Variants in ABHD16A observed in about 807,000 individuals in gnomAD.
ABHD16A encodes phosphatidylserine lipase ABHD16A.
Under a neutral mutation model 89.8 loss-of-function variants are expected in ABHD16A, and 47 were observed. The ratio of observed to expected loss-of-function variants is 0.52; its 90% CI spans 0.41 to 0.67. The LOEUF is 0.67. Ranked by LOEUF, ABHD16A falls within the 30% of genes least tolerant of loss-of-function variation. The probability of loss-of-function intolerance (pLI) is 0.00; values close to 1 mark genes in which losing one functional copy is unlikely to be tolerated. For missense variants in ABHD16A, 580 were observed against 734.6 expected, an observed-to-expected ratio of 0.79 and a Z score of 2.43; for synonymous variants, 251 against 280.4, an observed-to-expected ratio of 0.90 and a Z score of 1.05.
chr6:31,698,918 T>A lies in ABHD16A; in HGVS notation c.344-1885A>T, dbSNP rs182724264. 1.9e-4 allele frequency among the ~76,000 whole-genome samples: 29 copies of A among 152,292 alleles called. No individual in the cohort carries two copies. In the East Asian group the frequency reaches 5.6e-3, roughly 29 times the overall value. Reference sequence around the variant, plus strand: ...TTATGTACCCACTAGGGGTAGGTGATCTGTCCTCTTTATTTTTTTAAATTG... The same window carrying A: ...TTATGTACCCACTAGGGGTAGGTGAACTGTCCTCTTTATTTTTTTAAATTG... On this transcript the variant is annotated intron_variant, in intron 4 of 19. Transcript: ENST00000395952. The surrounding 1 kb of genome is among the most constrained non-coding windows in gnomAD (Gnocchi z 4.1).
chr6:31,693,504 C>A lies in ABHD16A; in HGVS notation c.430-72G>T, dbSNP rs894296940. ...GCTCTCCTACCCACCCTCAACAACA[C>A]CTTCGTTATCCAGGGGTCTGATCCC... On this transcript the variant is annotated intron_variant, in intron 5 of 19. Transcript: ENST00000395952. This position sits in a 1 kb window ranked among gnomAD's most constrained non-coding sequence, Gnocchi z 5.0. The A allele has an allele frequency of 2.1e-6, 3 of 1,424,664 alleles. No homozygotes were observed. Among genetic ancestry groups the A allele is most frequent in the Non-Finnish European group, 2.9e-6 (3 of 1,019,446 alleles). 88.3% of individuals were successfully genotyped at this position (1,424,664 alleles called of 1,614,324 possible).
Position 31,688,298 on chromosome 6 carries a change from C to G in ABHD16A, c.1258G>C (p.Gly420Arg). ...GTTCTCCGGATCAGCAGTACAGGAC[C>G]CTGGTATCTTCAGAGAACAGAGCAG... ...NNAEQLCRYQ[G>R]PVLLIRRTKD... Residue 420 changes from glycine (G) to arginine (R), a missense_variant, in exon 15 of 20, where the codon GGT becomes CGT. By Grantham distance (125) the Gly-to-Arg change is moderately radical. This residue lies in a region of ABHD16A where 415 missense variants were observed against 568.8 expected (regional missense o/e 0.73). Transcript: ENST00000395952. This position sits in a 1 kb window ranked among gnomAD's most constrained non-coding sequence, Gnocchi z 4.9. 1 of 1,614,014 alleles carries G rather than the reference C, an allele frequency of 6.2e-7. No individual in the cohort carries two copies. Among genetic ancestry groups the G allele is most frequent in the African/African-American group, 1.3e-5 (1 of 75,002 alleles).
chr6:31,700,055 C>A (rs1804795459), intron 4 of ABHD16A, among the ~76,000 whole-genome samples: 1 of 151,414 alleles, frequency 6.6e-6, no homozygotes, highest in African/African-American at 2.4e-5. Context: ...GCTTCATCTG[C>A]GTTGTTGAGC....
Position 31,698,341 on chromosome 6 carries a change from C to G in ABHD16A, c.344-1308G>C, listed in dbSNP as rs1222213899. ...AAGGATTCCAATGGGAACTCCAACC[C>G]TAACTGTGGTGCTTTAGTATTTTGT... On this transcript the variant is annotated intron_variant, in intron 4 of 19. Transcript: ENST00000395952. The surrounding 1 kb of genome is among the most constrained non-coding windows in gnomAD (Gnocchi z 4.1). Among the ~76,000 whole-genome samples the G allele has an allele frequency of 1.3e-5, 2 of 151,506 alleles. No individual in the cohort carries two copies. Among genetic ancestry groups the G allele is most frequent in the Non-Finnish European group, 2.9e-5 (2 of 67,922 alleles).
chr6:31,691,975 G>C (rs1350719001), intron 7 of ABHD16A, 57 bp from the exon 8 acceptor site: 7 of 1,392,024 alleles, frequency 5.0e-6, no homozygotes, highest in African/African-American at 1.4e-5. Flanking sequence ...GGACTGTGCT[G>C]GGGACCATCC....
At position 31,688,593 on chromosome 6, in the gene ABHD16A, C is replaced by T. The variant is rs892080837; in HGVS notation, c.1250+130G>A. ...GGGGTTAGGCCAGTTGAGGTGGTGGCAGGGTCACTCAGGATGTGAGCCAGT... is the reference window on the plus strand; with the variant it reads ...GGGGTTAGGCCAGTTGAGGTGGTGGTAGGGTCACTCAGGATGTGAGCCAGT... On this transcript the variant is annotated intron_variant, in intron 14 of 19. Transcript: ENST00000395952. The surrounding 1 kb of genome is among the most constrained non-coding windows in gnomAD (Gnocchi z 4.9). 2 of 1,102,754 alleles carry T rather than the reference C, an allele frequency of 1.8e-6. No individual in the cohort carries two copies. Among genetic ancestry groups the T allele is most frequent in the African/African-American group, 1.6e-5 (1 of 64,116 alleles). 68.3% of individuals were successfully genotyped at this position (1,102,754 alleles called of 1,614,324 possible).
chr6:31,687,727 G>A lies in ABHD16A; in HGVS notation c.1461C>T (p.Ser487=). 6.2e-7 allele frequency: 1 copy of A among 1,612,804 alleles called. No homozygotes were observed. The highest frequency in any genetic ancestry group is 8.5e-7 in the Non-Finnish European group (1 of 1,179,904). ...ACCAGTCCTCTTCCACCTCCCATCG[G>A]CTATAAATTGAGGCTGGTCAGGGAG... ...SSQLEEASIY[S]RWEVEEDWCL... is the part of the protein sequence containing the mutation. Residue 487 remains serine (S), a synonymous_variant, in exon 18 of 20, where the codon AGC becomes AGT. Transcript: ENST00000395952. The surrounding 1 kb of genome is among the most constrained non-coding windows in gnomAD (Gnocchi z 6.3).
rs370117782 is a variant in ABHD16A at position 31,688,234 on chromosome 6, T to C, written c.1307+15A>G. The C allele has an allele frequency of 1.8e-5, 29 of 1,612,480 alleles. No individual in the cohort carries two copies. The highest frequency in any genetic ancestry group is 2.4e-5 in the Non-Finnish European group (28 of 1,178,808). On this transcript the variant is annotated intron_variant, in intron 15 of 19. Coordinates refer to ENST00000395952, the MANE Select transcript of ABHD16A (RefSeq NM_021160.3). The surrounding 1 kb of genome is among the most constrained non-coding windows in gnomAD (Gnocchi z 4.9). Reference sequence around the variant, plus strand: ...TCTCTGGGGTTCCTGAGGGCCGAGATTCCCACGCACTCACGTGGTGGTGAT... The same window carrying C: ...TCTCTGGGGTTCCTGAGGGCCGAGACTCCCACGCACTCACGTGGTGGTGAT...
At position 31,693,223 on chromosome 6, in the gene ABHD16A, TG is replaced by T; in HGVS notation, c.504-75del. 6.3e-7 allele frequency: 1 copy of T among 1,589,826 alleles called. No homozygotes were observed. The highest frequency in any genetic ancestry group is 1.1e-5 in the South Asian group (1 of 88,694). On this transcript the variant is annotated intron_variant, in intron 6 of 19. Coordinates refer to ENST00000395952, the MANE Select transcript of ABHD16A (RefSeq NM_021160.3). The surrounding 1 kb of genome is among the most constrained non-coding windows in gnomAD (Gnocchi z 5.0). ...TGGATGTCTGAGGTCTGGAGAACAG[TG>T]GGGTCTAGGAACGACATAATGGCAT...
rs923982125 is a variant in ABHD16A, at chr6:31,693,304, G to A, written c.503+55C>T. ...CATGGAGGTGGGAGGGCAGAGCAGAGATTTTCTGGAATGGTTCTAAGGGGA... is the reference window on the plus strand; with the variant it reads ...CATGGAGGTGGGAGGGCAGAGCAGAAATTTTCTGGAATGGTTCTAAGGGGA... On this transcript the variant is annotated intron_variant, in intron 6 of 19. Transcript: ENST00000395952. The surrounding 1 kb of genome is among the most constrained non-coding windows in gnomAD (Gnocchi z 5.0). 6.2e-6 allele frequency: 10 copies of A among 1,605,186 alleles called. No homozygotes were observed. Among genetic ancestry groups the A allele is most frequent in the Middle Eastern group, 3.3e-4 (2 of 6,036 alleles).
At position 31,690,770 on chromosome 6, in the gene ABHD16A, G is replaced by T. The variant is rs1257077945; in HGVS notation, c.844-168C>A. On this transcript the variant is annotated intron_variant, in intron 9 of 19. Transcript: ENST00000395952. This position sits in a 1 kb window ranked among gnomAD's most constrained non-coding sequence, Gnocchi z 4.1. The stretch of plus-strand genomic sequence containing the variant: ...TCTCATTCCACAGGGTCCATAAGAG[G>T]AGAAGCAAAGGGATTACAAATACTC... Among the ~76,000 whole-genome samples, 3 of 152,138 alleles carry T rather than the reference G, an allele frequency of 2.0e-5. No individual in the cohort carries two copies. The highest frequency in any genetic ancestry group is 4.4e-5 in the Non-Finnish European group (3 of 68,026).
chr6:31,691,747 GGT>G, intron 8 of ABHD16A, 55 bp downstream of exon 8: 1 of 1,536,446 alleles, frequency 6.5e-7, no homozygotes, highest in South Asian at 1.2e-5. Flanking sequence ...GGTGGGGCGG[GGT>G]GGGTGGGGGT....
At chr6:31,701,680 C>T (rs984685) in intron 2 of ABHD16A, among the ~76,000 whole-genome samples, 4,092 of 152,272 alleles carry the variant, frequency 0.027, 86 homozygotes, top group Middle Eastern at 0.065. Flanking sequence ...CTGCTCAGGA[C>T]AGCCCCTGGC....
intron 4 of ABHD16A, among the ~76,000 whole-genome samples, chr6:31,699,282 G>A (rs1049143866): frequency 4.6e-5 from 7 of 151,792 alleles, no homozygotes; most frequent in African/African-American, 9.7e-5. Flanking sequence ...GGTGGTGGGC[G>A]CCTGTAGTCC....
chr6:31,696,155 C>T (rs180766241), intron 5 of ABHD16A, among the ~76,000 whole-genome samples: 1 of 144,780 alleles, frequency 6.9e-6, no homozygotes, highest in Non-Finnish European at 1.5e-5. Flanking sequence ...CAGAGTGAGA[C>T]TCCGTCTCAA....
chr6:31,701,040 GA>G lies in ABHD16A; in HGVS notation c.257-13del. The G allele has an allele frequency of 6.2e-7, 1 of 1,604,778 alleles. No individual in the cohort carries two copies. The highest frequency in any genetic ancestry group is 8.5e-7 in the Non-Finnish European group (1 of 1,171,786). Reference sequence around the variant, plus strand: ...CAAACTCAAGTAACCTGGGAAGGGAGAGGGACAATGTGAGACCCTCTCCGCA... The same window carrying G: ...CAAACTCAAGTAACCTGGGAAGGGAGGGGACAATGTGAGACCCTCTCCGCA... On this transcript the variant is annotated splice_polypyrimidine_tract_variant and intron_variant, in intron 3 of 19. Coordinates refer to ENST00000395952, the MANE Select transcript of ABHD16A (RefSeq NM_021160.3).
At chr6:31,696,413 G>A (rs1804401540) in intron 5 of ABHD16A, among the ~76,000 whole-genome samples, 1 of 151,380 alleles carries the variant, frequency 6.6e-6, no homozygotes, top group African/African-American at 2.4e-5. Flanking sequence ...CAGGCAGATC[G>A]CCTGAGGTCA....
At chr6:31,689,199 C>T in intron 12 of ABHD16A, 80 bp from the exon 13 acceptor site, 1 of 1,268,446 alleles carries the variant, frequency 7.9e-7, no homozygotes, top group Non-Finnish European at 1.1e-6. Context: ...ATCCCACTGA[C>T]CCTATAGGCC....
At position 31,688,586 on chromosome 6, in the gene ABHD16A, G is replaced by A. The variant is rs1054696881; in HGVS notation, c.1250+137C>T. Reference sequence around the variant, plus strand: ...CCTGGGAGGGGTTAGGCCAGTTGAGGTGGTGGCAGGGTCACTCAGGATGTG... The same window carrying A: ...CCTGGGAGGGGTTAGGCCAGTTGAGATGGTGGCAGGGTCACTCAGGATGTG... On this transcript the variant is annotated intron_variant, in intron 14 of 19. Coordinates refer to ENST00000395952, the MANE Select transcript of ABHD16A (RefSeq NM_021160.3). This position sits in a 1 kb window ranked among gnomAD's most constrained non-coding sequence, Gnocchi z 4.9. 11 of 1,059,702 alleles carry A rather than the reference G, an allele frequency of 1.0e-5. No homozygotes were observed. The East Asian group carries it at 1.8e-4, about 17-fold the overall frequency. 65.6% of individuals were successfully genotyped at this position (1,059,702 alleles called of 1,614,324 possible).
Sources: allele counts gnomAD v4.1 joint callset (sites outside exome capture counted in the v4.1 genomes callset), GRCh38; gene constraint gnomAD v4.1.1; regional missense constraint gnomAD v4.1.1; non-coding constraint Gnocchi (gnomAD v3.1); transcripts MANE v1.5; gene names NCBI Gene and HGNC (gene_info 2026-07-23, HGNC 2026-07-21).